PRDM2: variants seen among roughly 807,000 people sequenced by gnomAD.
PRDM2 encodes the protein PR domain zinc finger protein 2.
Under a neutral mutation model 130.0 loss-of-function variants are expected in PRDM2, and 30 were observed. The observed-to-expected ratio is 0.23, with a 90% CI of 0.17 to 0.31. PRDM2 has a LOEUF of 0.31. Ranked by LOEUF, PRDM2 falls within the 10% of genes least tolerant of loss-of-function variation. The pLI, the probability that PRDM2 is intolerant of heterozygous loss-of-function variation, is 1.00. For synonymous variants in PRDM2, 871 were observed against 782.4 expected (o/e 1.11, Z -1.89); for missense variants, 2,011 against 2,108.4 (o/e 0.95, Z 0.90).
chr1:13,821,340 T>C (rs1281734803), intron 9 of PRDM2, among the ~76,000 whole-genome samples: 1 of 152,080 alleles, frequency 6.6e-6, no homozygotes, highest in African/African-American at 2.4e-5. Flanking sequence ...GCAGTAGTTA[T>C]TTTTAGTAAT....
intron 1 of PRDM2, among the ~76,000 whole-genome samples, chr1:13,712,241 A>G (rs187375946): frequency 1.3e-5 from 2 of 152,256 alleles, no homozygotes; most frequent in Non-Finnish European, 2.9e-5. Context: ...AAAGAAGAAC[A>G]TGAGATTCCT....
At position 13,780,821 on chromosome 1, in the gene PRDM2, C is replaced by T; in HGVS notation, c.3026C>T (p.Ser1009Phe). 1 of 1,603,486 alleles carries T rather than the reference C, an allele frequency of 6.2e-7. No homozygotes were observed. The change falls in exon 8 of 10, where the codon TCT becomes TTT. Residue 1009 changes from serine (S) to phenylalanine (F), a missense_variant. Around this residue, in one of 5 missense-constraint regions of PRDM2, gnomAD observed 1,288 missense variants for 1,237.7 expected, o/e 1.04. Coordinates refer to ENST00000311066, the MANE Select transcript of PRDM2 (RefSeq NM_001393986.1). ...SSSASPHPCP[S>F]PLSNATAQSP... is the part of the protein sequence containing the mutation. ...AGTGCATCTCCACACCCATGCCCCT[C>T]TCCACTCTCAAATGCCACCGCACAG...
intron 6 of PRDM2, among the ~76,000 whole-genome samples, chr1:13,754,537 A>G (rs1259063088): frequency 6.8e-6 from 1 of 147,300 alleles, no homozygotes; most frequent in Non-Finnish European, 1.5e-5. Context: ...CCACTCCTAC[A>G]TGCAGTTGAC....
chr1:13,737,799 G>GT (rs1158597189), intron 4 of PRDM2, among the ~76,000 whole-genome samples: 2 of 152,102 alleles, frequency 1.3e-5, no homozygotes, highest in African/African-American at 2.4e-5. Context: ...CTCTTTGGGA[G>GT]TTTATTTATT....
chr1:13,796,224 G>A (rs537050799), intron 8 of PRDM2, among the ~76,000 whole-genome samples: 1 of 152,312 alleles, frequency 6.6e-6, no homozygotes, highest in South Asian at 2.1e-4. Flanking sequence ...TTTGAGAAGA[G>A]CGTACTCCTC....
At chr1:13,797,236 A>C (rs1465658299) in intron 8 of PRDM2, among the ~76,000 whole-genome samples, 1 of 152,070 alleles carries the variant, frequency 6.6e-6, no homozygotes, top group East Asian at 1.9e-4. Context: ...TTGTTTTGGA[A>C]TTTCTCTAAT....
intron 8 of PRDM2, chr1:13,786,662 C>T (rs1156410752): frequency 6.5e-7 from 1 of 1,534,162 alleles, no homozygotes; most frequent in East Asian, 2.3e-5. Flanking sequence ...AAAATCCTAA[C>T]ATTCAGCTGA....
chr1:13,726,475 T>A (rs1381693140), intron 2 of PRDM2, among the ~76,000 whole-genome samples: 2 of 152,000 alleles, frequency 1.3e-5, no homozygotes, highest in Non-Finnish European at 2.9e-5. Flanking sequence ...GAGGAGGGGG[T>A]CCTAGCATGG....
chr1:13,732,355 G>A (rs1264101317), intron 3 of PRDM2, among the ~76,000 whole-genome samples: 1 of 152,132 alleles, frequency 6.6e-6, no homozygotes, highest in African/African-American at 2.4e-5. Context: ...ATAAGAACAA[G>A]TCATGTTCAT....
rs975361190 is a variant in PRDM2 at position 13,787,157 on chromosome 1, C to G, written c.5036+4326C>G. ...CTTTTTTATGCCTATTCTGGTGTTG[C>G]GTTTGTATATCCAAATGGACGTTAT... On this transcript the variant is annotated intron_variant, in intron 8 of 9. Coordinates refer to ENST00000311066, the MANE Select transcript of PRDM2 (RefSeq NM_001393986.1). 10 of 984,660 alleles carry G rather than the reference C, an allele frequency of 1.0e-5. No homozygotes were observed. In the African/African-American group the frequency reaches 1.1e-4, roughly 10 times the overall value. 61.0% of individuals were successfully genotyped at this position (984,660 alleles called of 1,614,324 possible). A position where few individuals can be genotyped will look rare whatever the true frequency, so the allele number is the denominator to read the frequency against.
In PRDM2 at chr1:13,778,797, C is replaced by T; in HGVS notation, c.1002C>T (p.Cys334=). The change falls in exon 8 of 10, where the codon TGC becomes TGT. Residue 334 remains cysteine (C), a synonymous_variant. Transcript: ENST00000311066. ...CTTCAGAAGAAACTCTTGAAGACTGCTCAGAGGTAACACCTGCCATGCAAA... is the reference window on the plus strand; with the variant it reads ...CTTCAGAAGAAACTCTTGAAGACTGTTCAGAGGTAACACCTGCCATGCAAA... ...KTTSEETLED[C]SEVTPAMQIP... The T allele has an allele frequency of 6.2e-7, 1 of 1,614,124 alleles. No homozygotes were observed. Among genetic ancestry groups the T allele is most frequent in the South Asian group, 1.1e-5 (1 of 91,074 alleles).
intron 2 of PRDM2, among the ~76,000 whole-genome samples, chr1:13,720,718 AC>A (rs1418525272): frequency 1.3e-5 from 2 of 152,232 alleles, no homozygotes; most frequent in African/African-American, 4.8e-5. Context: ...GATTGCAACC[AC>A]ATGGGGTGGG....
chr1:13,746,320 A>C (rs1306510324), intron 5 of PRDM2, among the ~76,000 whole-genome samples: 2 of 151,722 alleles, frequency 1.3e-5, no homozygotes, highest in Admixed American at 1.3e-4. Context: ...AACTTGACTT[A>C]AAAATGCTAA....
At chr1:13,789,788 C>T (rs549755840) in intron 8 of PRDM2, among the ~76,000 whole-genome samples, 5 of 152,304 alleles carry the variant, frequency 3.3e-5, no homozygotes, top group South Asian at 4.1e-4. Context: ...AAAGGGTTGA[C>T]TAGGATATAA....
intron 8 of PRDM2, chr1:13,786,551 C>A (rs949396136): frequency 1.2e-6 from 2 of 1,607,924 alleles, no homozygotes; most frequent in Non-Finnish European, 1.7e-6. Context: ...ACAAAACAAA[C>A]CTTAATTGAC....
At chr1:13,815,397 C>A (rs1240668862) in intron 8 of PRDM2, among the ~76,000 whole-genome samples, 2 of 152,208 alleles carry the variant, frequency 1.3e-5, no homozygotes, top group Non-Finnish European at 2.9e-5. Context: ...CAGGCATGAG[C>A]CACCGCACCT....
chr1:13,706,610 G>C (rs1642218063), intron 1 of PRDM2, among the ~76,000 whole-genome samples: 1 of 152,124 alleles, frequency 6.6e-6, no homozygotes, highest in African/African-American at 2.4e-5. Flanking sequence ...CTGCCCATCT[G>C]TTCTGTCCTT....
chr1:13,770,344 G>A (rs1451068012), intron 6 of PRDM2: 2 of 490,140 alleles, frequency 4.1e-6, no homozygotes, highest in Admixed American at 2.1e-5. Context: ...ACAGTTATGT[G>A]ATTTCATTTT....
chr1:13,775,351 C>T (rs1557641822), intron 7 of PRDM2, among the ~76,000 whole-genome samples: 1 of 152,202 alleles, frequency 6.6e-6, no homozygotes, highest in African/African-American at 2.4e-5. Flanking sequence ...AATTTCTGAG[C>T]CTTAGAGTTG....
Sources: gnomAD v4.1 joint callset for allele counts (sites outside exome capture counted in the v4.1 genomes callset) on GRCh38, gnomAD v4.1.1 for gene constraint, gnomAD v4.1.1 regional missense constraint, MANE v1.5 for transcripts, NCBI Gene and HGNC (gene_info 2026-07-23, HGNC 2026-07-21) for gene names.